The following FN1 variants were observed in gnomAD, a reference collection of about 807,000 sequenced individuals.
FN1 encodes the protein fibronectin.
Under a neutral mutation model 297.3 loss-of-function variants are expected in FN1, and 106 were observed. That is an observed-to-expected ratio of 0.36 (90% CI 0.30 to 0.42). FN1 has a LOEUF of 0.42. Among genes scored for constraint, FN1 ranks in the 10% least tolerant of loss-of-function variants. FN1 has a pLI of 1.00. For synonymous variants in FN1, 1,149 were observed against 1,152.6 expected (o/e 1.00, Z 0.06); for missense variants, 2,690 against 3,124.9 (o/e 0.86, Z 3.32).
At chr2:215,394,478 A>T (rs749983023) in intron 24 of FN1, 50 bp downstream of exon 24, 1 of 1,420,026 alleles carries the variant, frequency 7.0e-7, no homozygotes, top group South Asian at 1.1e-5. Context: ...GCTAATCCCC[A>T]CTCTTATTGG....
intron 20 of FN1, among the ~76,000 whole-genome samples, chr2:215,401,219 A>G (rs1414940774): frequency 1.9e-5 from 1 of 52,186 alleles, no homozygotes; most frequent in East Asian, 3.3e-4. Context: ...AGAAAGAAAG[A>G]AAGAAAGAAA....
intron 12 of FN1, among the ~76,000 whole-genome samples, chr2:215,418,848 T>A (rs1358166775): frequency 6.6e-6 from 1 of 152,226 alleles, no homozygotes; most frequent in East Asian, 1.9e-4. Flanking sequence ...ATGCTGCATT[T>A]CATGCCATCT....
rs189355679 is a variant in FN1, at chr2:215,379,093, T to A, written c.5622+37A>T. 10 of 1,556,870 alleles carry A rather than the reference T, an allele frequency of 6.4e-6. No individual in the cohort carries two copies. In the African/African-American group the frequency reaches 1.1e-4, roughly 17 times the overall value. ...CTTAGAAACTGTGTTAGAGATGATC[T>A]CCATCTTTATTCCAATGAACAACGG... On this transcript the variant is annotated intron_variant, in intron 34 of 45. Coordinates refer to ENST00000354785, the MANE Select transcript of FN1 (RefSeq NM_212482.4).
intron 13 of FN1, 77 bp downstream of exon 13, chr2:215,414,760 G>A (rs1436773791): frequency 1.3e-6 from 2 of 1,596,190 alleles, no homozygotes; most frequent in Non-Finnish European, 1.7e-6. Context: ...TGGCTCAAAA[G>A]CTGGGAAAAA....
rs960098000 is a variant in FN1, at chr2:215,382,265, T to C, written c.5111A>G (p.Tyr1704Cys). The C allele has an allele frequency of 4.3e-6, 7 of 1,613,912 alleles. No homozygotes were observed. In the African/African-American group the frequency reaches 5.3e-5, roughly 12 times the overall value. Residue 1704 changes from tyrosine to cysteine, a missense_variant, in exon 32 of 46, where the codon TAT becomes TGT. Coordinates refer to ENST00000354785, the MANE Select transcript of FN1 (RefSeq NM_212482.4). The stretch of plus-strand genomic sequence containing the variant: ...ACTCTCTCCGCTTGGATTCTGAGCA[T>C]AGACACTAACCACATACTCCACTGT... ...QPTVEYVVSV[Y>C]AQNPSGESQP...
intron 40 of FN1, 114 bp from the exon 41 acceptor site, chr2:215,370,546 AC>A (rs140400742): frequency 0.12 from 72,320 of 592,936 alleles, 11,366 homozygotes; most frequent in South Asian, 0.22. Flanking sequence ...AAGACAAAAA[AC>A]AAAAAACAAA....
chr2:215,408,131 C>T lies in FN1; in HGVS notation c.2495G>A (p.Ser832Asn), dbSNP rs1255971152. The T allele has an allele frequency of 1.2e-6, 2 of 1,614,072 alleles. No homozygotes were observed. Among genetic ancestry groups the T allele is most frequent in the South Asian group, 1.1e-5 (1 of 91,078 alleles). Reference protein sequence around the residue: ...VDDTSIVVRWSRPQAPITGYR... With the variant: ...VDDTSIVVRWNRPQAPITGYR... ...ACCTGTGATGGGAGCCTGGGGTCTG[C>T]TCCAGCGAACAACAATTGAGGTGTC... The change falls in exon 17 of 46, where the codon AGC becomes AAC. Residue 832 changes from serine to asparagine, a missense_variant. Coordinates refer to ENST00000354785, the MANE Select transcript of FN1 (RefSeq NM_212482.4).
intron 43 of FN1, among the ~76,000 whole-genome samples, 156 bp from the exon 44 acceptor site, chr2:215,365,141 A>G (rs565583163): frequency 6.6e-6 from 1 of 152,212 alleles, no homozygotes; most frequent in African/African-American, 2.4e-5. Flanking sequence ...ACTGCTATAC[A>G]GATCTTAGGG....
Position 215,379,177 on chromosome 2 carries a change from T to C in FN1, c.5575A>G (p.Ile1859Val). The change falls in exon 34 of 46, where the codon ATC becomes GTC. Residue 1859 changes from isoleucine (I) to valine (V), a missense_variant. This residue lies in a region of FN1 where 1,743 missense variants were observed against 1,945.2 expected (regional missense o/e 0.90). Coordinates refer to ENST00000354785, the MANE Select transcript of FN1 (RefSeq NM_212482.4). ...GATGAGCTGTCAGGAGCAAGGTTGA[T>C]TTCTTTCATTGGTCCGGTCTTCTCC... is the stretch of plus-strand genomic sequence containing the variant. ...PKEKTGPMKE[I>V]NLAPDSSSVV... is the part of the protein sequence containing the mutation. 6.2e-7 allele frequency: 1 copy of C among 1,614,146 alleles called. No homozygotes were observed. Among genetic ancestry groups the C allele is most frequent in the Non-Finnish European group, 8.5e-7 (1 of 1,180,024 alleles).
chr2:215,420,636 C>G (rs755102315), intron 11 of FN1, 37 bp downstream of exon 11: 1 of 1,613,428 alleles, frequency 6.2e-7, no homozygotes, highest in South Asian at 1.1e-5. Flanking sequence ...AACCATTCCC[C>G]CTGTGCAAAC....
intron 15 of FN1, 64 bp downstream of exon 15, chr2:215,409,499 C>T: frequency 1.3e-6 from 2 of 1,519,640 alleles, no homozygotes; most frequent in South Asian, 1.1e-5. Context: ...AGGCCACCCA[C>T]CCCCACAAGG....
chr2:215,393,961 C>G (rs979755341), intron 24 of FN1, among the ~76,000 whole-genome samples: 1 of 152,046 alleles, frequency 6.6e-6, no homozygotes, highest in Non-Finnish European at 1.5e-5. Flanking sequence ...TGTTGTCTTT[C>G]AAGCCACAAG....
chr2:215,375,675 C>T lies in FN1; in HGVS notation c.5931G>A (p.Leu1977=), dbSNP rs774619834. Residue 1977 remains leucine, a synonymous_variant, in exon 37 of 46, where the codon TTG becomes TTA. Coordinates refer to ENST00000354785, the MANE Select transcript of FN1 (RefSeq NM_212482.4). ...CAGGGGAGCTCCGAGCATTGTCATT[C>T]AAGGTGTACAGGTAGATCTTGTAGT... ...GTDYKIYLYT[L]NDNARSSPVV... is the part of the protein sequence containing the mutation. 1.2e-6 allele frequency: 2 copies of T among 1,613,656 alleles called. 1 individual carries two copies. The highest frequency in any genetic ancestry group is 2.2e-5 in the South Asian group (2 of 91,060).
rs780325021 is a variant in FN1, at chr2:215,397,141, G to A, written c.3600C>T (p.Thr1200=). The change falls in exon 23 of 46, where the codon ACC becomes ACT. Residue 1200 remains threonine, a synonymous_variant. Transcript: ENST00000354785. The part of the protein sequence containing the change: ...VLTVSWERST[T]PDITGYRITT... ...TCTGATCCATCCCAAACTTACCTGGGGTGGTGCTCCTCTCCCAGGAGACTG... is the reference window on the plus strand; with the variant it reads ...TCTGATCCATCCCAAACTTACCTGGAGTGGTGCTCCTCTCCCAGGAGACTG... 1.7e-5 allele frequency: 28 copies of A among 1,610,820 alleles called. No individual in the cohort carries two copies. In the East Asian group the frequency reaches 6.2e-4, roughly 36 times the overall value.
chr2:215,366,510 A>G lies in FN1; in HGVS notation c.7019-880T>C, dbSNP rs150237840. On this transcript the variant is annotated intron_variant, in intron 42 of 45. Coordinates refer to ENST00000354785, the MANE Select transcript of FN1 (RefSeq NM_212482.4). ...TGCTAAATCATTGGTTATTATCCAC[A>G]TCAAATAAGTCTGGTTCTGTGGAAT... 2.5e-3 allele frequency among the ~76,000 whole-genome samples: 375 copies of G among 152,374 alleles called. 1 individual carries two copies. The highest frequency in any genetic ancestry group is 8.5e-3 in the African/African-American group (353 of 41,596).
At chr2:215,390,325 C>T (rs2059573334) in intron 26 of FN1, among the ~76,000 whole-genome samples, 1 of 152,146 alleles carries the variant, frequency 6.6e-6, no homozygotes. Context: ...GCTGAGACCA[C>T]AGGTGTGCAC....
chr2:215,397,965 A>G (rs1020438648), intron 21 of FN1, 117 bp from the exon 22 acceptor site: 10 of 890,606 alleles, frequency 1.1e-5, no homozygotes, highest in Non-Finnish European at 1.6e-5. Context: ...TGCACAGTGT[A>G]CTTTTATTGG....
chr2:215,417,094 T>C (rs945496333), intron 12 of FN1, among the ~76,000 whole-genome samples: 2 of 152,246 alleles, frequency 1.3e-5, no homozygotes, highest in Non-Finnish European at 2.9e-5. Context: ...GCTTATACTA[T>C]GTATCCTTTA....
At chr2:215,420,861 A>C in intron 10 of FN1, 60 bp from the exon 11 acceptor site, 1 of 1,533,008 alleles carries the variant, frequency 6.5e-7, no homozygotes, top group South Asian at 1.1e-5. Flanking sequence ...ATGAAAGAAA[A>C]AAGGTATGCT....
Sources: allele counts gnomAD v4.1 joint callset (sites outside exome capture counted in the v4.1 genomes callset), GRCh38; gene constraint gnomAD v4.1.1; regional missense constraint gnomAD v4.1.1; transcripts MANE v1.5; gene names NCBI Gene and HGNC (gene_info 2026-07-23, HGNC 2026-07-21).